The following RSBN1L variants were observed in gnomAD, a reference collection of about 807,000 sequenced individuals.
RSBN1L encodes the protein round spermatid basic protein 1 like, also known as lysine-specific demethylase RSBN1L.
Under a neutral mutation model 67.7 loss-of-function variants are expected in RSBN1L, and 30 were observed. The observed-to-expected ratio is 0.44, with a 90% CI of 0.33 to 0.60. RSBN1L has a LOEUF of 0.60. RSBN1L is among the 20% of genes least tolerant of loss of function. The probability of loss-of-function intolerance (pLI) is 0.02; values close to 1 mark genes in which losing one functional copy is unlikely to be tolerated. For missense variants in RSBN1L, 992 were observed against 1,031.7 expected (o/e 0.96, Z 0.53); for synonymous variants, 433 against 387.0 (o/e 1.12, Z -1.39).
At position 77,779,462 on chromosome 7, in the gene RSBN1L, AT is replaced by A. The variant is rs1791966194; in HGVS notation, c.*295del. 1.4e-5 allele frequency: 2 copies of A among 148,144 alleles called. No homozygotes were observed. Among genetic ancestry groups the A allele is most frequent in the African/African-American group, 4.9e-5 (2 of 40,634 alleles). 9.2% of individuals were successfully genotyped at this position (148,144 alleles called of 1,614,324 possible). ...CATTAACATATATATATATATATAAATATATATATATATTTTGTAATATGAG... is the reference window on the plus strand; with the variant it reads ...CATTAACATATATATATATATATAAAATATATATATATTTTGTAATATGAG... On this transcript the variant is annotated 3_prime_UTR_variant, in exon 8 of 8. Transcript: ENST00000334955.
intron 1 of RSBN1L, among the ~76,000 whole-genome samples, chr7:77,717,075 CT>C (rs888417984): frequency 6.6e-6 from 1 of 152,012 alleles, no homozygotes; most frequent in Non-Finnish European, 1.5e-5. Context: ...ATCTTCCCAT[CT>C]TAGCCTCTTG....
intron 6 of RSBN1L, among the ~76,000 whole-genome samples, chr7:77,774,578 T>C (rs1375872624): frequency 6.6e-6 from 1 of 151,952 alleles, no homozygotes; most frequent in Non-Finnish European, 1.5e-5. Flanking sequence ...AATACACACA[T>C]ACACAAAAAT....
At chr7:77,698,227 A>G (rs749874765) in intron 1 of RSBN1L, among the ~76,000 whole-genome samples, 16 of 152,382 alleles carry the variant, frequency 1.0e-4, no homozygotes, top group Admixed American at 5.2e-4. Flanking sequence ...ACATCTAAGC[A>G]TAGCCATCAG....
At chr7:77,724,517 C>G (rs559846893) in intron 1 of RSBN1L, among the ~76,000 whole-genome samples, 1 of 151,520 alleles carries the variant, frequency 6.6e-6, no homozygotes, top group South Asian at 2.1e-4. Context: ...CCTGTGCCTC[C>G]TGGGTTCAAG....
intron 2 of RSBN1L, among the ~76,000 whole-genome samples, chr7:77,747,519 C>T (rs1791500443): frequency 2.0e-5 from 3 of 152,246 alleles, no homozygotes; most frequent in Non-Finnish European, 2.9e-5. Context: ...CCAGGTATAG[C>T]TTGAGCCACT....
intron 6 of RSBN1L, among the ~76,000 whole-genome samples, chr7:77,777,762 A>C (rs1170807985): frequency 6.6e-6 from 1 of 152,074 alleles, no homozygotes; most frequent in Non-Finnish European, 1.5e-5. Context: ...AAATGTATTT[A>C]TATATTCCTA....
chr7:77,756,485 A>T (rs1356948030), intron 3 of RSBN1L, among the ~76,000 whole-genome samples: 1 of 152,070 alleles, frequency 6.6e-6, no homozygotes, highest in Non-Finnish European at 1.5e-5. Flanking sequence ...GCAGCATTAA[A>T]GACATTTATA....
In RSBN1L at chr7:77,770,913, T is replaced by C. The variant is rs1407943590; in HGVS notation, c.1625+2110T>C. The stretch of plus-strand genomic sequence containing the variant: ...CGTGGATTGGAATGGATGGAGATGA[T>C]GCTAGGAGAGATTATAGCCTTTTGT... On this transcript the variant is annotated intron_variant, in intron 5 of 7. Coordinates refer to ENST00000334955, the MANE Select transcript of RSBN1L (RefSeq NM_198467.3). 2.0e-5 allele frequency among the ~76,000 whole-genome samples: 3 copies of C among 152,176 alleles called. No individual in the cohort carries two copies. The East Asian group carries it at 5.8e-4, about 29-fold the overall frequency.
At chr7:77,704,556 C>T (rs546090475) in intron 1 of RSBN1L, among the ~76,000 whole-genome samples, 11 of 152,212 alleles carry the variant, frequency 7.2e-5, no homozygotes, top group Admixed American at 2.6e-4. Context: ...TTTTCACCTC[C>T]GCTCCTCCAT....
rs1408263383 is a variant in RSBN1L at position 77,703,517 on chromosome 7, TCTCA to T, written c.586+6465_586+6468del. ...TTTTTTTTTTTTTTTTGAGAAGGACTCTCACTATTTCACCCAGGCTGGAGTGCAG... is the reference window on the plus strand; with the variant it reads ...TTTTTTTTTTTTTTTTGAGAAGGACTCTATTTCACCCAGGCTGGAGTGCAG... On this transcript the variant is annotated intron_variant, in intron 1 of 7. Coordinates refer to ENST00000334955, the MANE Select transcript of RSBN1L (RefSeq NM_198467.3). 3.5e-5 allele frequency among the ~76,000 whole-genome samples: 4 copies of T among 112,972 alleles called. No homozygotes were observed. The Admixed American group carries it at 5.2e-4, about 15-fold the overall frequency. The allele number at this position is 112,972 out of a possible 152,430, so 74.1% of individuals were successfully genotyped here. A position where few individuals can be genotyped will look rare whatever the true frequency, so the allele number is the denominator to read the frequency against.
intron 6 of RSBN1L, among the ~76,000 whole-genome samples, chr7:77,773,911 T>C (rs1294086525): frequency 6.6e-6 from 1 of 152,238 alleles, no homozygotes; most frequent in African/African-American, 2.4e-5. Flanking sequence ...TATGCCTGTT[T>C]ACAAATGTCA....
chr7:77,742,324 C>A (rs1268697946), intron 2 of RSBN1L, among the ~76,000 whole-genome samples: 7 of 151,988 alleles, frequency 4.6e-5, no homozygotes, highest in Non-Finnish European at 1.0e-4. Flanking sequence ...AGAAACTAGG[C>A]ACAAGTTTCT....
chr7:77,763,927 TTA>T (rs754201479), intron 3 of RSBN1L, among the ~76,000 whole-genome samples: 1 of 152,250 alleles, frequency 6.6e-6, no homozygotes, highest in African/African-American at 2.4e-5. Flanking sequence ...GGTGAATTTA[TTA>T]AAGAATTAAT....
Position 77,716,082 on chromosome 7 carries a change from AT to A in RSBN1L, c.586+19030del, listed in dbSNP as rs879666903. On this transcript the variant is annotated intron_variant, in intron 1 of 7. Transcript: ENST00000334955. ...ACTTTCACAGTTTTTCATAGCAGAAATTTATAAATTAATGAAGCCCACTTTA... is the reference window on the plus strand; with the variant it reads ...ACTTTCACAGTTTTTCATAGCAGAAATTATAAATTAATGAAGCCCACTTTA... Among the ~76,000 whole-genome samples the A allele has an allele frequency of 2.6e-5, 4 of 152,166 alleles. No individual in the cohort carries two copies. The South Asian group carries it at 8.3e-4, about 32-fold the overall frequency.
intron 1 of RSBN1L, among the ~76,000 whole-genome samples, chr7:77,706,578 A>G (rs964536541): frequency 4.6e-5 from 7 of 152,336 alleles, no homozygotes; most frequent in Non-Finnish European, 8.8e-5. Flanking sequence ...ATGATGCCAA[A>G]TGATTTCTAA....
chr7:77,707,365 T>G (rs746350011), intron 1 of RSBN1L, among the ~76,000 whole-genome samples: 4 of 152,182 alleles, frequency 2.6e-5, no homozygotes, highest in Non-Finnish European at 4.4e-5. Flanking sequence ...AGGTATTGTT[T>G]TAGTGATCAT....
chr7:77,776,796 A>C (rs10278354), intron 6 of RSBN1L, among the ~76,000 whole-genome samples: 29,430 of 151,692 alleles, frequency 0.19, 3,637 homozygotes, highest in African/African-American at 0.35. Context: ...CTGTATGTCT[A>C]TATTATTGTT....
At chr7:77,697,712 T>C (rs1790758877) in intron 1 of RSBN1L, among the ~76,000 whole-genome samples, 1 of 152,214 alleles carries the variant, frequency 6.6e-6, no homozygotes, top group Non-Finnish European at 1.5e-5. Context: ...TTCAGCCATA[T>C]TCTTTTTTTC....
intron 6 of RSBN1L, 179 bp downstream of exon 6, chr7:77,773,493 G>A (rs1791873500): frequency 2.3e-6 from 1 of 428,060 alleles, no homozygotes; most frequent in South Asian, 6.2e-5. Flanking sequence ...GGCTGGGTGG[G>A]GTGGCTCACA....
Sources: gnomAD v4.1 joint callset for allele counts (sites outside exome capture counted in the v4.1 genomes callset) on GRCh38, gnomAD v4.1.1 for gene constraint, MANE v1.5 for transcripts, NCBI Gene and HGNC (gene_info 2026-07-23, HGNC 2026-07-21) for gene names.